Variants in CERKL observed in about 807,000 individuals in gnomAD.
CERKL encodes the protein CERK like autophagy regulator.
CERKL carries 61 observed loss-of-function variants against 63.4 expected under a neutral mutation model. That is an observed-to-expected ratio of 0.96 (90% confidence interval 0.78 to 1.19). The LOEUF (loss-of-function observed/expected upper bound fraction) is 1.19, where lower values mean the gene tolerates loss of function less well. Ranked by LOEUF, CERKL falls within the 50% of genes most tolerant of loss-of-function variation. CERKL has a pLI of 0.00. For synonymous variants in CERKL, 250 were observed against 230.5 expected (o/e 1.08, Z -0.77); for missense variants, 675 against 655.5 (o/e 1.03, Z -0.33).
At chr2:181,549,360 G>A (rs1295319051) in intron 6 of CERKL, among the ~76,000 whole-genome samples, 1 of 152,044 alleles carries the variant, frequency 6.6e-6, no homozygotes, top group African/African-American at 2.4e-5. Flanking sequence ...TCTTCATCTG[G>A]TTATAAAATT....
At chr2:181,597,871 G>A (rs1363994305) in intron 2 of CERKL, among the ~76,000 whole-genome samples, 1 of 152,066 alleles carries the variant, frequency 6.6e-6, no homozygotes, top group Admixed American at 6.5e-5. Flanking sequence ...AACCTCTAGA[G>A]ATCTAACCCC....
chr2:181,656,709 G>C, intron 1 of CERKL, 60 bp downstream of exon 1: 2 of 1,419,488 alleles, frequency 1.4e-6, no homozygotes, highest in Non-Finnish European at 1.9e-6. Flanking sequence ...TGTAGGCCTT[G>C]GGCCGGGGAG....
chr2:181,577,378 A>T (rs2105852498), intron 2 of CERKL, among the ~76,000 whole-genome samples: 1 of 152,244 alleles, frequency 6.6e-6, no homozygotes, highest in South Asian at 2.1e-4. Context: ...AGAGAGGAAA[A>T]AGGAATTATG....
chr2:181,549,475 A>G (rs1464862008), intron 6 of CERKL, among the ~76,000 whole-genome samples, 159 bp downstream of exon 6: 2 of 152,232 alleles, frequency 1.3e-5, no homozygotes, highest in Non-Finnish European at 2.9e-5. Flanking sequence ...GGCAATCCAC[A>G]TAGTAAAGCA....
At chr2:181,656,651 C>T in intron 1 of CERKL, 118 bp downstream of exon 1, 1 of 879,156 alleles carries the variant, frequency 1.1e-6, no homozygotes, top group Non-Finnish European at 1.7e-6. Flanking sequence ...GAGGCGAGCA[C>T]GGGGAGGGGA....
chr2:181,562,569 C>T (rs1281799984), intron 4 of CERKL, among the ~76,000 whole-genome samples: 1 of 152,152 alleles, frequency 6.6e-6, no homozygotes, highest in African/African-American at 2.4e-5. Flanking sequence ...GAGTTAATCA[C>T]ACTTGTGTCA....
intron 1 of CERKL, among the ~76,000 whole-genome samples, chr2:181,616,055 T>C (rs183219379): frequency 3.0e-4 from 46 of 152,176 alleles, no homozygotes; most frequent in African/African-American, 1.0e-3. Flanking sequence ...AAATAAAAAA[T>C]AGTGAATTTC....
chr2:181,631,279 C>T (rs1210050430), intron 1 of CERKL, among the ~76,000 whole-genome samples: 2 of 152,100 alleles, frequency 1.3e-5, no homozygotes, highest in Non-Finnish European at 2.9e-5. Context: ...TTTTATTTTT[C>T]TGGTTCTTTA....
At chr2:181,545,780 G>A (rs183240377) in intron 10 of CERKL, among the ~76,000 whole-genome samples, 1 of 152,134 alleles carries the variant, frequency 6.6e-6, no homozygotes, top group African/African-American at 2.4e-5. Context: ...TAGTGTTACT[G>A]TGCATCTTTA....
At chr2:181,622,757 C>T (rs1686510346) in intron 1 of CERKL, among the ~76,000 whole-genome samples, 1 of 152,126 alleles carries the variant, frequency 6.6e-6, no homozygotes, top group Admixed American at 6.5e-5. Context: ...AAAATTTATA[C>T]AAATTACAAA....
chr2:181,537,835 A>G lies in CERKL; in HGVS notation c.*349T>C. On this transcript the variant is annotated 3_prime_UTR_variant, in exon 13 of 13. Transcript: ENST00000410087. ...CTAGAGGCTAATTGTTAGTAACATC[A>G]ATTTCTATTAGGATATCCGTTTGGC... 2.1e-6 allele frequency: 1 copy of G among 487,344 alleles called. No homozygotes were observed. Among genetic ancestry groups the G allele is most frequent in the Non-Finnish European group, 4.0e-6 (1 of 249,026 alleles). The allele number at this position is 487,344 out of a possible 1,614,324, so 30.2% of individuals were successfully genotyped here. A position where few individuals can be genotyped will look rare whatever the true frequency, so the allele number is the denominator to read the frequency against.
intron 2 of CERKL, among the ~76,000 whole-genome samples, chr2:181,600,417 G>A (rs1685408497): frequency 1.3e-5 from 2 of 152,150 alleles, no homozygotes; most frequent in Admixed American, 6.6e-5. Context: ...AGGACATAAA[G>A]TGGCAAATTA....
At chr2:181,590,693 T>C (rs2105875324) in intron 2 of CERKL, among the ~76,000 whole-genome samples, 1 of 152,336 alleles carries the variant, frequency 6.6e-6, no homozygotes, top group South Asian at 2.1e-4. Flanking sequence ...TGCTGAACTT[T>C]AATGTATTAA....
chr2:181,582,554 T>TG (rs1684567093), intron 2 of CERKL, among the ~76,000 whole-genome samples: 1 of 149,730 alleles, frequency 6.7e-6, no homozygotes, highest in Non-Finnish European at 1.5e-5. Flanking sequence ...TTTTTTGAGA[T>TG]GGAGTCTCGC....
intron 1 of CERKL, among the ~76,000 whole-genome samples, chr2:181,609,100 CTCTT>C (rs1405550942): frequency 6.6e-6 from 1 of 152,024 alleles, no homozygotes; most frequent in Non-Finnish European, 1.5e-5. Flanking sequence ...TGCCAGTATT[CTCTT>C]TATTTTCTTT....
intron 2 of CERKL, among the ~76,000 whole-genome samples, chr2:181,593,517 C>A (rs1449251): frequency 0.2 from 29,806 of 151,052 alleles, 4,927 homozygotes; most frequent in African/African-American, 0.45. Context: ...ATAAAGAATT[C>A]CATCATTTCC....
At chr2:181,604,868 A>G (rs1574490573) in intron 1 of CERKL, among the ~76,000 whole-genome samples, 1 of 152,194 alleles carries the variant, frequency 6.6e-6, no homozygotes, top group Admixed American at 6.5e-5. Flanking sequence ...GACTTAAAAA[A>G]AAATAGTGGC....
intron 5 of CERKL, among the ~76,000 whole-genome samples, chr2:181,552,386 G>GT (rs1688024304): frequency 6.6e-6 from 1 of 152,136 alleles, no homozygotes; most frequent in Admixed American, 6.6e-5. Context: ...GTGATAGTGA[G>GT]TGAGTTCTCA....
chr2:181,576,342 T>C (rs567482236), intron 2 of CERKL, among the ~76,000 whole-genome samples: 8 of 152,290 alleles, frequency 5.3e-5, no homozygotes, highest in African/African-American at 1.9e-4. Context: ...CTGTCCCTCA[T>C]CACTCCAATT....
Sources: allele counts gnomAD v4.1 joint callset (sites outside exome capture counted in the v4.1 genomes callset), GRCh38; gene constraint gnomAD v4.1.1; transcripts MANE v1.5; gene names NCBI Gene and HGNC (gene_info 2026-07-23, HGNC 2026-07-21).